The following ZNF578 variants were observed in gnomAD, a reference collection of about 807,000 sequenced individuals.
ZNF578 encodes the protein Putative chemokine-related protein B42.
Under a neutral mutation model 8.3 loss-of-function variants are expected in ZNF578, and 8 were observed. The observed-to-expected ratio is 0.96, with a 90% CI of 0.56 to 1.74. ZNF578 has a LOEUF of 1.74. ZNF578 is among the 40% of genes most tolerant of loss of function. ZNF578 has a pLI of 0.00. For synonymous variants in ZNF578, 206 were observed against 232.2 expected (o/e 0.89, Z 1.03); for missense variants, 726 against 707.5 (o/e 1.03, Z -0.30).
Position 52,491,399 on chromosome 19 carries a change from T to G in ZNF578, c.-46T>G. 5.4e-6 allele frequency: 1 copy of G among 184,072 alleles called. No individual in the cohort carries two copies. Among genetic ancestry groups the G allele is most frequent in the South Asian group, 1.2e-4 (1 of 8,624 alleles). 11.4% of individuals were successfully genotyped at this position (184,072 alleles called of 1,614,324 possible). On this transcript the variant is annotated 5_prime_UTR_variant, in exon 3 of 6. Transcript: ENST00000421239. ...GGGAGTTGAAGGCTGCAGTGAGCCC[T>G]GTTTTTGCCACCACACTCCAGCTTG...
chr19:52,475,452 G>A (rs1314776723), intron 2 of ZNF578, among the ~76,000 whole-genome samples: 1 of 151,672 alleles, frequency 6.6e-6, no homozygotes, highest in African/African-American at 2.4e-5. Context: ...CACCTCCTGG[G>A]TTCAAGCAGT....
At chr19:52,465,663 G>T (rs1483016542) in intron 2 of ZNF578, among the ~76,000 whole-genome samples, 1 of 152,148 alleles carries the variant, frequency 6.6e-6, no homozygotes, top group Admixed American at 6.5e-5. Flanking sequence ...CTGTTCCACA[G>T]CATGAAACAA....
rs2059478737 is a variant in ZNF578, at chr19:52,516,820, T to A, written c.*4666T>A. On this transcript the variant is annotated 3_prime_UTR_variant, in exon 6 of 6. Coordinates refer to ENST00000421239, the MANE Select transcript of ZNF578 (RefSeq NM_001099694.2). ...GATAATCCCACCATACTTTGCTGAC[T>A]CTCTTTTCACACTCAGCCCGCCTGC... 1.3e-5 allele frequency among the ~76,000 whole-genome samples: 2 copies of A among 152,102 alleles called. No homozygotes were observed. Among genetic ancestry groups the A allele is most frequent in the African/African-American group, 4.8e-5 (2 of 41,400 alleles).
chr19:52,500,109 C>G (rs1185881510), intron 3 of ZNF578, among the ~76,000 whole-genome samples: 1 of 152,182 alleles, frequency 6.6e-6, no homozygotes, highest in African/African-American at 2.4e-5. Flanking sequence ...ATCATCTTCT[C>G]CGGGTCTCCT....
chr19:52,514,962 C>CTTT lies in ZNF578; in HGVS notation c.*2824_*2826dup, dbSNP rs35788845. ...AGGCATGAGCTACCACGTCGAGACT[C>CTTT]TTTTTTTTTTTTTTTTTTAGATGGA... On this transcript the variant is annotated 3_prime_UTR_variant, in exon 6 of 6. Transcript: ENST00000421239. Among the ~76,000 whole-genome samples the CTTT allele has an allele frequency of 3.3e-5, 4 of 122,916 alleles. No individual in the cohort carries two copies. The highest frequency in any genetic ancestry group is 2.8e-4 in the South Asian group (1 of 3,614). 80.6% of individuals were successfully genotyped at this position (122,916 alleles called of 152,430 possible). A position where few individuals can be genotyped will look rare whatever the true frequency, so the allele number is the denominator to read the frequency against.
chr19:52,481,739 A>C (rs2122843845), intron 2 of ZNF578, among the ~76,000 whole-genome samples: 1 of 152,168 alleles, frequency 6.6e-6, no homozygotes, highest in African/African-American at 2.4e-5. Context: ...CTTTAAATTA[A>C]ATTAATTCTT....
chr19:52,515,112 C>T lies in ZNF578; in HGVS notation c.*2958C>T, dbSNP rs1310526457. Among the ~76,000 whole-genome samples the T allele has an allele frequency of 4.6e-5, 7 of 151,566 alleles. No homozygotes were observed. Among genetic ancestry groups the T allele is most frequent in the South Asian group, 2.1e-4 (1 of 4,782 alleles). The stretch of plus-strand genomic sequence containing the variant: ...CTGAGTAGTTGGGATTACAGGTGCC[C>T]TCCACCACTCCCGGCTCATTTTTTG... On this transcript the variant is annotated 3_prime_UTR_variant, in exon 6 of 6. Transcript: ENST00000421239.
intron 5 of ZNF578, among the ~76,000 whole-genome samples, chr19:52,507,291 G>GAC (rs2059428656): frequency 3.3e-5 from 5 of 152,192 alleles, no homozygotes; most frequent in African/African-American, 1.2e-4. Context: ...GAGAGGCTGA[G>GAC]ATGGGAGAAT....
chr19:52,483,506 T>C (rs2059334564), intron 2 of ZNF578, among the ~76,000 whole-genome samples: 1 of 152,214 alleles, frequency 6.6e-6, no homozygotes, highest in Non-Finnish European at 1.5e-5. Flanking sequence ...ACAGGCACCA[T>C]CTGCAGGAAC....
At position 52,501,829 on chromosome 19, in the gene ZNF578, T is replaced by G. The variant is rs764993393; in HGVS notation, c.-17T>G. ...TCTTATTTTTCTTCCACATACAGGA[T>G]TGATTTCTAAAGACTCATGTTACAT... On this transcript the variant is annotated splice_region_variant and 5_prime_UTR_variant, in exon 4 of 6. Transcript: ENST00000421239. The G allele has an allele frequency of 1.2e-6, 2 of 1,612,474 alleles. No individual in the cohort carries two copies. The highest frequency in any genetic ancestry group is 2.7e-5 in the African/African-American group (2 of 74,836).
intron 2 of ZNF578, among the ~76,000 whole-genome samples, chr19:52,466,975 C>G (rs962664149): frequency 1.3e-5 from 2 of 151,658 alleles, no homozygotes; most frequent in Non-Finnish European, 2.9e-5. Flanking sequence ...TATCCTTGAA[C>G]TCATTTCACG....
At chr19:52,458,598 C>T (rs1212362690) in intron 2 of ZNF578, 1 of 151,262 alleles carries the variant, frequency 6.6e-6, no homozygotes, top group Non-Finnish European at 1.5e-5. Flanking sequence ...TCATGCTTTG[C>T]TCAATTTTCT....
At chr19:52,479,646 C>A (rs1190255598) in intron 2 of ZNF578, among the ~76,000 whole-genome samples, 3 of 151,004 alleles carry the variant, frequency 2.0e-5, no homozygotes, top group African/African-American at 7.3e-5. Context: ...TTTTGGGAAA[C>A]CAGTTTTACC....
At chr19:52,475,967 A>G (rs1011214826) in intron 2 of ZNF578, among the ~76,000 whole-genome samples, 1 of 152,186 alleles carries the variant, frequency 6.6e-6, no homozygotes, top group African/African-American at 2.4e-5. Flanking sequence ...CCCTTCCTAC[A>G]AAATGCTGAC....
Position 52,504,166 on chromosome 19 carries a change from C to T in ZNF578, c.64-489C>T, listed in dbSNP as rs1421678181. On this transcript the variant is annotated intron_variant, in intron 4 of 5. Coordinates refer to ENST00000421239, the MANE Select transcript of ZNF578 (RefSeq NM_001099694.2). ...AGGGCAGTGGTGCGATCTTGGCTCA[C>T]TGCGGCCTCCATCTCCTGACTTCAA... Among the ~76,000 whole-genome samples, 13 of 144,306 alleles carry T rather than the reference C, an allele frequency of 9.0e-5. No individual in the cohort carries two copies. The Admixed American group carries it at 9.0e-4, about 10-fold the overall frequency. The allele number at this position is 144,306 out of a possible 152,430, so 94.7% of individuals were successfully genotyped here. A position where few individuals can be genotyped will look rare whatever the true frequency, so the allele number is the denominator to read the frequency against.
At chr19:52,497,497 A>C (rs2059391227) in intron 3 of ZNF578, among the ~76,000 whole-genome samples, 1 of 152,234 alleles carries the variant, frequency 6.6e-6, no homozygotes, top group Non-Finnish European at 1.5e-5. Flanking sequence ...CTGGGATTAT[A>C]GGTGTGAGTC....
rs1555751349 is a variant in ZNF578 at position 52,459,769 on chromosome 19, A to ATATTTTTTTTTT, written c.-122+2812_-122+2813insATTTTTTTTTTT. Among the ~76,000 whole-genome samples the ATATTTTTTTTTT allele has an allele frequency of 7.4e-4, 13 of 17,620 alleles. 4 individuals are homozygous for ATATTTTTTTTTT. The highest frequency in any genetic ancestry group is 0.012 in the South Asian group (2 of 164). 11.6% of individuals were successfully genotyped at this position (17,620 alleles called of 152,430 possible). A position where few individuals can be genotyped will look rare whatever the true frequency, so the allele number is the denominator to read the frequency against. On this transcript the variant is annotated intron_variant, in intron 2 of 5. Transcript: ENST00000421239. The stretch of plus-strand genomic sequence containing the variant: ...TGTGTGTGTATATATATATATATAT[A>ATATTTTTTTTTT]TTTTTTTTTTTTTTTTTTTTTTTTG...
At chr19:52,493,467 G>C (rs2059373942) in intron 3 of ZNF578, among the ~76,000 whole-genome samples, 1 of 152,124 alleles carries the variant, frequency 6.6e-6, no homozygotes, top group South Asian at 2.1e-4. Flanking sequence ...GCTTCTCCGC[G>C]ATGCAGGAGT....
intron 2 of ZNF578, among the ~76,000 whole-genome samples, chr19:52,483,972 G>A (rs957477780): frequency 6.6e-6 from 1 of 151,978 alleles, no homozygotes. Flanking sequence ...GGGAACCGAC[G>A]CTCAGCATAC....
Sources: allele counts gnomAD v4.1 joint callset (sites outside exome capture counted in the v4.1 genomes callset), GRCh38; gene constraint gnomAD v4.1.1; transcripts MANE v1.5; gene names NCBI Gene and HGNC (gene_info 2026-07-23, HGNC 2026-07-21).